SGCD: variants seen among roughly 807,000 people sequenced by gnomAD.
SGCD encodes the protein sarcoglycan delta, also known as delta-sarcoglycan.
Under a neutral mutation model 36.6 loss-of-function variants are expected in SGCD, and 18 were observed. The ratio of observed to expected loss-of-function variants is 0.49; its 90% confidence interval spans 0.34 to 0.73. SGCD has a LOEUF of 0.73. SGCD is among the 30% of genes least tolerant of loss of function. The pLI is 0.01. For synonymous variants in SGCD, 133 were observed against 130.6 expected (o/e 1.02, Z -0.12); for missense variants, 387 against 346.7 (o/e 1.12, Z -0.92).
rs1227974923 is a variant in SGCD at position 156,765,311 on chromosome 5, T to C, written c.*5921T>C. 6.6e-6 allele frequency: 1 copy of C among 152,180 alleles called. No homozygotes were observed. Among genetic ancestry groups the C allele is most frequent in the East Asian group, 1.9e-4 (1 of 5,192 alleles). The allele number at this position is 152,180 out of a possible 1,614,324, so 9.4% of individuals were successfully genotyped here. A position where few individuals can be genotyped will look rare whatever the true frequency, so the allele number is the denominator to read the frequency against. Reference sequence around the variant, plus strand: ...GGGAACACTTGTAGCCAAAGGATTGTCTGAGGGCAGGAAGACGACACTTGT... The same window carrying C: ...GGGAACACTTGTAGCCAAAGGATTGCCTGAGGGCAGGAAGACGACACTTGT... On this transcript the variant is annotated 3_prime_UTR_variant, in exon 9 of 9. Transcript: ENST00000337851.
intron 3 of SGCD, among the ~76,000 whole-genome samples, chr5:156,152,056 T>C (rs916686918): frequency 6.6e-6 from 1 of 151,456 alleles, no homozygotes; most frequent in Non-Finnish European, 1.5e-5. Flanking sequence ...TGGGAGATAC[T>C]TTTTTGAAAA....
chr5:156,473,069 A>G (rs1385075545), intron 3 of SGCD, among the ~76,000 whole-genome samples: 8 of 152,244 alleles, frequency 5.3e-5, no homozygotes, highest in African/African-American at 1.7e-4. Context: ...TCCAATGCCT[A>G]CATTGAATAA....
At chr5:155,962,708 G>A (rs752434755) in intron 1 of SGCD, among the ~76,000 whole-genome samples, 2 of 152,122 alleles carry the variant, frequency 1.3e-5, no homozygotes, top group Non-Finnish European at 2.9e-5. Context: ...GGTAGAATAG[G>A]TGCCTGATTG....
chr5:155,903,882 T>C (rs1756445521), intron 1 of SGCD, among the ~76,000 whole-genome samples: 1 of 152,164 alleles, frequency 6.6e-6, no homozygotes, highest in South Asian at 2.1e-4. Flanking sequence ...CGTGTTCTCC[T>C]AGAATCACAG....
At chr5:156,671,516 C>T (rs1217412105) in intron 7 of SGCD, among the ~76,000 whole-genome samples, 1 of 152,082 alleles carries the variant, frequency 6.6e-6, no homozygotes, top group Non-Finnish European at 1.5e-5. Context: ...TCAGGTGATC[C>T]ACCCACCTCG....
chr5:156,640,830 C>T (rs1169538713), intron 6 of SGCD, among the ~76,000 whole-genome samples: 1 of 152,168 alleles, frequency 6.6e-6, no homozygotes, highest in African/African-American at 2.4e-5. Flanking sequence ...TTTGTAATGA[C>T]TACAGATGTT....
intron 1 of SGCD, among the ~76,000 whole-genome samples, chr5:155,990,650 A>G (rs1407270967): frequency 1.3e-5 from 2 of 152,152 alleles, no homozygotes; most frequent in Non-Finnish European, 2.9e-5. Context: ...GGCCTTTCCC[A>G]ATTTCCAGTC....
chr5:156,565,543 A>G (rs72801147), intron 4 of SGCD, among the ~76,000 whole-genome samples: 3 of 152,248 alleles, frequency 2.0e-5, no homozygotes, highest in South Asian at 2.1e-4. Context: ...TAAAATTTGC[A>G]TAAATTCAGT....
At chr5:155,829,441 A>G in the SGCD span, among the ~76,000 whole-genome samples, 4 of 152,196 alleles carry the variant, frequency 2.6e-5, no homozygotes, top group African/African-American at 4.8e-5. Flanking sequence ...AAGATGCACT[A>G]TGCTCTTCTC....
At chr5:156,143,281 G>A (rs1013939910) in intron 3 of SGCD, among the ~76,000 whole-genome samples, 1 of 152,220 alleles carries the variant, frequency 6.6e-6, no homozygotes, top group Non-Finnish European at 1.5e-5. Flanking sequence ...AGATTTCAGA[G>A]GATGTGTGGA....
At chr5:156,591,822 A>G (rs1279496741) in intron 5 of SGCD, among the ~76,000 whole-genome samples, 1 of 152,140 alleles carries the variant, frequency 6.6e-6, no homozygotes, top group Non-Finnish European at 1.5e-5. Flanking sequence ...GTCATTTTTA[A>G]GGATTCCAGC....
chr5:156,167,427 A>G (rs146817120), intron 3 of SGCD, among the ~76,000 whole-genome samples: 3 of 152,238 alleles, frequency 2.0e-5, no homozygotes, highest in Non-Finnish European at 2.9e-5. Context: ...TGTATAACAC[A>G]TGGTAGATGC....
At chr5:156,415,367 G>C (rs191344454) in intron 3 of SGCD, among the ~76,000 whole-genome samples, 6 of 152,226 alleles carry the variant, frequency 3.9e-5, no homozygotes, top group Admixed American at 3.9e-4. Context: ...AAACACAAAT[G>C]AAAGGAGAGG....
intron 7 of SGCD, among the ~76,000 whole-genome samples, chr5:156,737,145 CTT>C (rs1756414817): frequency 6.6e-6 from 1 of 152,190 alleles, no homozygotes; most frequent in Admixed American, 6.5e-5. Context: ...CCCAGAGTCT[CTT>C]GACACAAATT....
chr5:156,046,376 T>C (rs1759765876), intron 1 of SGCD, among the ~76,000 whole-genome samples: 1 of 152,156 alleles, frequency 6.6e-6, no homozygotes, highest in African/African-American at 2.4e-5. Flanking sequence ...TACCTAGTTT[T>C]ATTGTGCTTT....
chr5:156,662,450 C>G, intron 7 of SGCD, among the ~76,000 whole-genome samples: 1 of 149,318 alleles, frequency 6.7e-6, no homozygotes, highest in Non-Finnish European at 1.5e-5. Flanking sequence ...AGTCTGAAAA[C>G]TTTTCTCTCA....
At chr5:156,665,138 A>C (rs1764095702) in intron 7 of SGCD, among the ~76,000 whole-genome samples, 1 of 152,132 alleles carries the variant, frequency 6.6e-6, no homozygotes, top group Admixed American at 6.5e-5. Context: ...GCCGGCGGCC[A>C]GTATTGATAG....
At chr5:156,328,653 T>C (rs115951734) in intron 1 of SGCD, among the ~76,000 whole-genome samples, 1,892 of 152,246 alleles carry the variant, frequency 0.012, 51 homozygotes, top group African/African-American at 0.043. Flanking sequence ...TTCTTTTTTC[T>C]TCCAAGTGTT....
intron 1 of SGCD, among the ~76,000 whole-genome samples, chr5:155,958,081 G>A (rs1757703574): frequency 6.6e-6 from 1 of 152,060 alleles, no homozygotes; most frequent in Non-Finnish European, 1.5e-5. Context: ...TAAGGGATGA[G>A]TTTACCATGG....
Sources: gnomAD v4.1 joint callset for allele counts (sites outside exome capture counted in the v4.1 genomes callset) on GRCh38, gnomAD v4.1.1 for gene constraint, MANE v1.5 for transcripts, NCBI Gene and HGNC (gene_info 2026-07-23, HGNC 2026-07-21) for gene names.